Variants in IGSF10 observed in about 807,000 individuals in gnomAD.
IGSF10 encodes calvaria mechanical force protein 608.
Under a neutral mutation model 128.2 loss-of-function variants are expected in IGSF10, and 126 were observed. The observed-to-expected ratio is 0.98, with a 90% CI of 0.85 to 1.14. The LOEUF (loss-of-function observed/expected upper bound fraction) is 1.14. Among genes scored for constraint, IGSF10 ranks in the 50% most tolerant of loss-of-function variants. The pLI, the probability that IGSF10 is intolerant of heterozygous loss-of-function variation, is 0.00. For synonymous variants in IGSF10, 1,185 were observed against 1,146.2 expected (o/e 1.03, Z -0.68); for missense variants, 3,295 against 3,149.8 (o/e 1.05, Z -1.10).
chr3:151,598,110 T>TGTGA, the IGSF10 span, among the ~76,000 whole-genome samples: 3,424 of 148,630 alleles, frequency 0.023, 73 homozygotes, highest in Middle Eastern at 0.066. Context: ...TGTGTGTGTG[T>TGTGA]GAATACTTCA....
the IGSF10 span, among the ~76,000 whole-genome samples, chr3:151,616,453 T>G: frequency 6.6e-6 from 1 of 152,204 alleles, no homozygotes; most frequent in African/African-American, 2.4e-5. Context: ...ATTCATTAAG[T>G]AAAAACATCT....
At chr3:151,433,668 G>T, downstream of IGSF10, 1 of 152,398 alleles carries the variant, frequency 6.6e-6, no homozygotes, top group East Asian at 1.9e-4. Flanking sequence ...CCACCTTAAG[G>T]GGAAAAAAAA....
At chr3:151,603,281 T>C in the IGSF10 span, among the ~76,000 whole-genome samples, 2 of 152,244 alleles carry the variant, frequency 1.3e-5, no homozygotes, top group African/African-American at 4.8e-5. Context: ...TGACTCAACC[T>C]TTCTGTGCCT....
chr3:151,536,309 C>A, the IGSF10 span, among the ~76,000 whole-genome samples: 1 of 152,110 alleles, frequency 6.6e-6, no homozygotes, highest in Non-Finnish European at 1.5e-5. Flanking sequence ...ACTCCACCTA[C>A]GGATCTAAGA....
Position 151,448,914 on chromosome 3 carries a change from G to A in IGSF10, c.1067C>T (p.Thr356Ile). Residue 356 changes from threonine (T) to isoleucine (I), a missense_variant, in exon 6 of 8, where the codon ACT becomes ATT. Physicochemically the swap from Thr to Ile is moderately conservative, Grantham distance 89. Transcript: ENST00000282466. Reference sequence around the variant, plus strand: ...GCACACCAAAAATGTTGAAAATGAAGTATTTAGCACGATGTAGTCATTTTC... The same window carrying A: ...GCACACCAAAAATGTTGAAAATGAAATATTTAGCACGATGTAGTCATTTTC... Reference protein sequence around the residue: ...TEENDYIVLNTSFSTFLVCNI... With the variant: ...TEENDYIVLNISFSTFLVCNI... The A allele has an allele frequency of 1.2e-6, 2 of 1,614,202 alleles. No individual in the cohort carries two copies. The highest frequency in any genetic ancestry group is 1.1e-5 in the South Asian group (1 of 91,084).
the IGSF10 span, among the ~76,000 whole-genome samples, chr3:151,490,086 CAA>C: frequency 4.7e-3 from 714 of 152,240 alleles, 8 homozygotes; most frequent in African/African-American, 0.017. Flanking sequence ...ATTCTCCACT[CAA>C]GAGTAGCTGA....
At chr3:151,512,328 A>G in the IGSF10 span, among the ~76,000 whole-genome samples, 1 of 152,150 alleles carries the variant, frequency 6.6e-6, no homozygotes, top group Non-Finnish European at 1.5e-5. Context: ...CCGCTCAACT[A>G]CATGGAAACT....
chr3:151,549,347 C>G, the IGSF10 span, among the ~76,000 whole-genome samples: 1 of 152,146 alleles, frequency 6.6e-6, no homozygotes, highest in African/African-American at 2.4e-5. Context: ...ATTTTACACT[C>G]CAGAGAATAA....
the IGSF10 span, among the ~76,000 whole-genome samples, chr3:151,573,415 C>A: frequency 6.6e-6 from 1 of 152,162 alleles, no homozygotes; most frequent in Non-Finnish European, 1.5e-5. Flanking sequence ...GATTCTCCTG[C>A]ATTGGGTGCA....
intron 7 of IGSF10, among the ~76,000 whole-genome samples, chr3:151,442,622 C>G (rs1267382094): frequency 6.7e-6 from 1 of 150,032 alleles, no homozygotes; most frequent in Non-Finnish European, 1.5e-5. Flanking sequence ...CTCCTGACCT[C>G]AGGTGATCCA....
the IGSF10 span, among the ~76,000 whole-genome samples, chr3:151,549,303 C>T: frequency 1.3e-5 from 2 of 152,146 alleles, no homozygotes; most frequent in African/African-American, 2.4e-5. Context: ...TTACCTCGAT[C>T]TGTGCCTGCT....
chr3:151,444,550 TC>T (rs1721071618), intron 6 of IGSF10, among the ~76,000 whole-genome samples: 1 of 152,178 alleles, frequency 6.6e-6, no homozygotes, highest in Non-Finnish European at 1.5e-5. Flanking sequence ...CCTCAGGTAA[TC>T]CACCCACCTT....
downstream of IGSF10, chr3:151,434,621 C>CAA (rs1438039957): frequency 1.3e-5 from 2 of 152,140 alleles, no homozygotes; most frequent in Non-Finnish European, 2.9e-5. Flanking sequence ...TTGTTTTCTT[C>CAA]AAAGTAATAT....
chr3:151,506,232 C>T, the IGSF10 span, among the ~76,000 whole-genome samples: 3 of 152,184 alleles, frequency 2.0e-5, no homozygotes, highest in East Asian at 3.8e-4. Flanking sequence ...GGATTATAGG[C>T]ATGAGCCACC....
chr3:151,487,004 T>G, the IGSF10 span, among the ~76,000 whole-genome samples: 15 of 151,850 alleles, frequency 9.9e-5, no homozygotes, highest in South Asian at 2.1e-4. Flanking sequence ...CTGAAGGAGA[T>G]AGACATGAAA....
At chr3:151,563,106 C>T in the IGSF10 span, among the ~76,000 whole-genome samples, 1 of 119,398 alleles carries the variant, frequency 8.4e-6, no homozygotes, top group Non-Finnish European at 1.8e-5. Flanking sequence ...ACTCCTAACA[C>T]ACATTTTTCT....
At chr3:151,554,036 C>T in the IGSF10 span, among the ~76,000 whole-genome samples, 1 of 151,808 alleles carries the variant, frequency 6.6e-6, no homozygotes, top group Non-Finnish European at 1.5e-5. Context: ...GTTCCAGCTA[C>T]TCCAGAGGCT....
the IGSF10 span, among the ~76,000 whole-genome samples, chr3:151,548,880 C>T: frequency 6.6e-6 from 1 of 151,666 alleles, no homozygotes; most frequent in African/African-American, 2.4e-5. Flanking sequence ...AATTTCCAAA[C>T]ATTATTTTTC....
At position 151,447,596 on chromosome 3, in the gene IGSF10, A is replaced by G. The variant is rs896219419; in HGVS notation, c.2385T>C (p.Asp795=). The stretch of plus-strand genomic sequence containing the variant: ...CATGTAGAGCGAGCATGCCTGAGGA[A>G]TCGTCTTCTTCACCAGGTATGTTTG... The part of the protein sequence containing the change: ...QLPNIPGEED[D]SSGMLALHEE... The change falls in exon 6 of 8, where the codon GAT becomes GAC. Residue 795 remains aspartate (D), a synonymous_variant. Coordinates refer to ENST00000282466, the MANE Select transcript of IGSF10 (RefSeq NM_178822.5). The G allele has an allele frequency of 6.2e-7, 1 of 1,614,122 alleles. No individual in the cohort carries two copies. Among genetic ancestry groups the G allele is most frequent in the Non-Finnish European group, 8.5e-7 (1 of 1,180,014 alleles).
Sources: gnomAD v4.1 joint callset for allele counts (sites outside exome capture counted in the v4.1 genomes callset) on GRCh38, gnomAD v4.1.1 for gene constraint, MANE v1.5 for transcripts, NCBI Gene and HGNC (gene_info 2026-07-23, HGNC 2026-07-21) for gene names.